Variants in AKAP19 observed in about 807,000 individuals in gnomAD.
AKAP19 encodes small A-kinase anchoring protein.
At chr2:189,989,991 T>G in the AKAP19 span, among the ~76,000 whole-genome samples, 1 of 152,150 alleles carries the variant, frequency 6.6e-6, no homozygotes. Context: ...GGCTTTTCCC[T>G]TTTTTCCCAG....
chr2:190,023,826 T>C, the AKAP19 span, among the ~76,000 whole-genome samples: 70 of 149,256 alleles, frequency 4.7e-4, no homozygotes, highest in Non-Finnish European at 8.0e-4. Context: ...TATACATATA[T>C]ATACTTTTTC....
the AKAP19 span, chr2:190,057,556 G>C: frequency 6.2e-7 from 1 of 1,613,558 alleles, no homozygotes; most frequent in East Asian, 2.2e-5. Flanking sequence ...TCGTGATTCT[G>C]TTGAGTGCTC....
At chr2:189,970,474 T>TGGTTTTAA in the AKAP19 span, among the ~76,000 whole-genome samples, 1 of 152,210 alleles carries the variant, frequency 6.6e-6, no homozygotes, top group Non-Finnish European at 1.5e-5. Context: ...TTAAGGTAAA[T>TGGTTTTAA]GGCATCACAA....
the AKAP19 span, among the ~76,000 whole-genome samples, chr2:190,185,447 G>A: frequency 6.6e-6 from 1 of 152,216 alleles, no homozygotes; most frequent in Non-Finnish European, 1.5e-5. Flanking sequence ...AAAGCGGGAA[G>A]AGGTTCTAGA....
chr2:190,156,346 C>T, the AKAP19 span, among the ~76,000 whole-genome samples: 2 of 152,050 alleles, frequency 1.3e-5, no homozygotes, highest in Non-Finnish European at 2.9e-5. Flanking sequence ...TATATACATA[C>T]AAACATCCTT....
the AKAP19 span, chr2:190,080,050 T>C: frequency 6.6e-6 from 1 of 152,164 alleles, no homozygotes; most frequent in Non-Finnish European, 1.5e-5. Flanking sequence ...ACATATTACG[T>C]ATTTCTTGTG....
chr2:190,199,919 A>G, the AKAP19 span: 3 of 1,614,008 alleles, frequency 1.9e-6, no homozygotes, highest in Admixed American at 3.3e-5. Flanking sequence ...GAAGGTGAGA[A>G]GCAGCATGAG....
chr2:190,078,030 A>G, the AKAP19 span, among the ~76,000 whole-genome samples: 1,876 of 152,152 alleles, frequency 0.012, 23 homozygotes, highest in Admixed American at 0.023. Flanking sequence ...AGTTTCTTTC[A>G]TTCTATTCAT....
the AKAP19 span, among the ~76,000 whole-genome samples, chr2:190,080,808 C>T: frequency 6.6e-6 from 1 of 152,160 alleles, no homozygotes; most frequent in Admixed American, 6.5e-5. Flanking sequence ...GATGTTTTAA[C>T]ACTGCTGACA....
the AKAP19 span, among the ~76,000 whole-genome samples, chr2:189,921,178 A>G: frequency 6.6e-6 from 1 of 152,218 alleles, no homozygotes. Context: ...TTTTGTAACC[A>G]CACCATACTT....
At chr2:189,886,421 T>C in the AKAP19 span, among the ~76,000 whole-genome samples, 5 of 152,230 alleles carry the variant, frequency 3.3e-5, no homozygotes, top group African/African-American at 4.8e-5. Context: ...TTTAGTCCCA[T>C]TTATAAACTT....
At chr2:190,176,035 T>C in the AKAP19 span, among the ~76,000 whole-genome samples, 3 of 152,240 alleles carry the variant, frequency 2.0e-5, no homozygotes, top group Non-Finnish European at 4.4e-5. The surrounding 1 kb of genome is among the most constrained non-coding windows in gnomAD (Gnocchi z 4.7). Flanking sequence ...ATGATCTTGG[T>C]CTTCCCATCC....
chr2:190,081,826 A>G, the AKAP19 span, among the ~76,000 whole-genome samples: 1 of 152,146 alleles, frequency 6.6e-6, no homozygotes, highest in Admixed American at 6.5e-5. Flanking sequence ...AAAAATAAAA[A>G]TGAAATCCTA....
the AKAP19 span, chr2:190,057,178 G>A: frequency 1.0e-5 from 15 of 1,496,010 alleles, no homozygotes; most frequent in Non-Finnish European, 1.3e-5. Context: ...ATAGCCTGTG[G>A]TACTTAATTT....
At chr2:190,189,180 G>C in the AKAP19 span, among the ~76,000 whole-genome samples, 1 of 152,202 alleles carries the variant, frequency 6.6e-6, no homozygotes, top group African/African-American at 2.4e-5. Flanking sequence ...AAGAAACAGA[G>C]ACCCTGGGAA....
chr2:189,995,858 T>A, the AKAP19 span, among the ~76,000 whole-genome samples: 4 of 152,186 alleles, frequency 2.6e-5, no homozygotes, highest in Non-Finnish European at 5.9e-5. Context: ...TTATGAAGCT[T>A]AGTTTTGCTG....
chr2:189,959,919 G>A, the AKAP19 span, among the ~76,000 whole-genome samples: 1 of 151,828 alleles, frequency 6.6e-6, no homozygotes, highest in South Asian at 2.1e-4. Context: ...AATATTAAAT[G>A]GTCTTTTCAT....
At chr2:190,200,304 T>A in the AKAP19 span, 1 of 657,112 alleles carries the variant, frequency 1.5e-6, no homozygotes, top group South Asian at 2.0e-5. Context: ...ATGAAATGCA[T>A]TTTAAGTACT....
chr2:189,925,060 C>T, the AKAP19 span, among the ~76,000 whole-genome samples: 2 of 152,098 alleles, frequency 1.3e-5, no homozygotes, highest in Non-Finnish European at 2.9e-5. Context: ...GAGGGGGTTT[C>T]GCCTCACATT....
Sources: gnomAD v4.1 joint callset for allele counts (sites outside exome capture counted in the v4.1 genomes callset) on GRCh38, gnomAD v4.1.1 for gene constraint, Gnocchi (gnomAD v3.1) non-coding constraint, MANE v1.5 for transcripts, NCBI Gene and HGNC (gene_info 2026-07-23, HGNC 2026-07-21) for gene names.